The following CDC123 variants were observed in gnomAD, a reference collection of about 807,000 sequenced individuals.
CDC123 encodes the protein translation initiation factor eIF2 assembly protein.
Under a neutral mutation model 54.4 loss-of-function variants are expected in CDC123, and 37 were observed. That is an observed-to-expected ratio of 0.68 (90% confidence interval 0.52 to 0.89). The LOEUF is 0.89. CDC123 is among the 40% of genes least tolerant of loss of function. The probability of loss-of-function intolerance (pLI) is 0.00; values close to 1 mark genes in which losing one functional copy is unlikely to be tolerated. For missense variants in CDC123, 361 were observed against 412.1 expected (o/e 0.88, Z 1.07); for synonymous variants, 144 against 136.8 (o/e 1.05, Z -0.37).
intron 10 of CDC123, among the ~76,000 whole-genome samples, chr10:12,239,966 C>T (rs1180295490): frequency 6.7e-6 from 1 of 149,364 alleles, no homozygotes; most frequent in Non-Finnish European, 1.5e-5. Context: ...CGAGATCGCG[C>T]CACTGCACTC....
intron 9 of CDC123, among the ~76,000 whole-genome samples, chr10:12,238,044 A>G (rs191392375): frequency 6.6e-6 from 1 of 152,224 alleles, no homozygotes; most frequent in African/African-American, 2.4e-5. Flanking sequence ...AATAAGATGA[A>G]TCATGCTTCA....
At chr10:12,197,261 G>T (rs1835368722) in intron 1 of CDC123, among the ~76,000 whole-genome samples, 1 of 152,140 alleles carries the variant, frequency 6.6e-6, no homozygotes, top group Admixed American at 6.5e-5. Context: ...TTTATGAATA[G>T]AATTTAAAAT....
chr10:12,231,401 T>A (rs1361400148), intron 7 of CDC123, among the ~76,000 whole-genome samples: 1 of 152,058 alleles, frequency 6.6e-6, no homozygotes, highest in Non-Finnish European at 1.5e-5. Flanking sequence ...GGTGGGTGGA[T>A]CATCTGAGAT....
intron 7 of CDC123, among the ~76,000 whole-genome samples, chr10:12,233,282 C>T (rs1169947725): frequency 9.0e-6 from 1 of 110,600 alleles, no homozygotes; most frequent in South Asian, 2.4e-4. Flanking sequence ...TTAAAATACA[C>T]ACACACACAC....
At chr10:12,226,037 T>G (rs916537830) in intron 6 of CDC123, among the ~76,000 whole-genome samples, 13 of 152,220 alleles carry the variant, frequency 8.5e-5, no homozygotes, top group African/African-American at 2.9e-4. Context: ...ATTTAACCCT[T>G]CGTGGACACA....
intron 6 of CDC123, among the ~76,000 whole-genome samples, chr10:12,222,023 A>G (rs1835744129): frequency 6.6e-6 from 1 of 152,214 alleles, no homozygotes; most frequent in Non-Finnish European, 1.5e-5. Context: ...AGGGGGCCTA[A>G]GCAGATCATT....
intron 2 of CDC123, among the ~76,000 whole-genome samples, chr10:12,204,839 A>G (rs1228002287): frequency 2.0e-5 from 3 of 151,862 alleles, no homozygotes; most frequent in Non-Finnish European, 4.4e-5. Flanking sequence ...CTAAAACTAC[A>G]AAAATTAGCT....
Position 12,230,940 on chromosome 10 carries a change from T to A in CDC123, c.441-8T>A. On this transcript the variant is annotated splice_region_variant and splice_polypyrimidine_tract_variant and intron_variant, in intron 6 of 12. Transcript: ENST00000281141. The stretch of plus-strand genomic sequence containing the variant: ...AAGATTCAGTTGCCTTTTCTTCTTC[T>A]TCCAAAGGTTTATTCATTGTACTGA... The A allele has an allele frequency of 6.2e-7, 1 of 1,611,916 alleles. No homozygotes were observed. The highest frequency in any genetic ancestry group is 8.5e-7 in the Non-Finnish European group (1 of 1,179,272).
At chr10:12,250,154 A>G (rs1028047075) in intron 12 of CDC123, 157 bp from the exon 13 acceptor site, 10 of 516,150 alleles carry the variant, frequency 1.9e-5, no homozygotes, top group Middle Eastern at 4.2e-4. Flanking sequence ...TTTGCTCAGG[A>G]GTCAAAGTGA....
rs150891932 is a variant in CDC123, at chr10:12,198,692, G to GTTT, written c.75-5_75-3dup. The GTTT allele has an allele frequency of 7.8e-6, 10 of 1,281,618 alleles. No individual in the cohort carries two copies. Among genetic ancestry groups the GTTT allele is most frequent in the Admixed American group, 2.1e-5 (1 of 47,910 alleles). 79.4% of individuals were successfully genotyped at this position (1,281,618 alleles called of 1,614,324 possible). A position where few individuals can be genotyped will look rare whatever the true frequency, so the allele number is the denominator to read the frequency against. On this transcript the variant is annotated splice_polypyrimidine_tract_variant and intron_variant, in intron 1 of 12. Transcript: ENST00000281141. ...CTTTTAAAATGATGCCTTTTTTGGT[G>GTTT]TTTTTTTTTTAGTGTCATTCTTCCA...
At chr10:12,242,999 C>G (rs1348558654) in intron 10 of CDC123, among the ~76,000 whole-genome samples, 1 of 151,932 alleles carries the variant, frequency 6.6e-6, no homozygotes, top group African/African-American at 2.4e-5. Context: ...GAAGTTACAG[C>G]TGGGTTTTTT....
intron 6 of CDC123, among the ~76,000 whole-genome samples, chr10:12,226,339 G>A (rs1335565042): frequency 6.6e-6 from 1 of 151,406 alleles, no homozygotes; most frequent in Non-Finnish European, 1.5e-5. Flanking sequence ...GGACGGGGCG[G>A]CTGGCCGGGC....
intron 2 of CDC123, among the ~76,000 whole-genome samples, chr10:12,203,013 T>C (rs1241047824): frequency 6.6e-6 from 1 of 152,160 alleles, no homozygotes; most frequent in Non-Finnish European, 1.5e-5. Context: ...AGACTCCGTC[T>C]CAAAAAACCA....
At chr10:12,223,640 A>G (rs1835766068) in intron 6 of CDC123, among the ~76,000 whole-genome samples, 2 of 152,246 alleles carry the variant, frequency 1.3e-5, no homozygotes, top group East Asian at 1.9e-4. Flanking sequence ...AGGCATGTTT[A>G]GGGCATAATA....
rs573999100 is a variant in CDC123 at position 12,226,297 on chromosome 10, G to A, written c.441-4651G>A. On this transcript the variant is annotated intron_variant, in intron 6 of 12. Coordinates refer to ENST00000281141, the MANE Select transcript of CDC123 (RefSeq NM_006023.3). ...GGGTACACCTCCCAGACGGCGTGGC[G>A]GCTGGGCAGAGGCGCCCCCCACCTC... 3.5e-4 allele frequency among the ~76,000 whole-genome samples: 53 copies of A among 152,296 alleles called. 1 individual carries two copies. The highest frequency in any genetic ancestry group is 1.0e-3 in the African/African-American group (42 of 41,568).
At chr10:12,235,250 C>A (rs987383434) in intron 8 of CDC123, 127 bp downstream of exon 8, 2 of 738,332 alleles carry the variant, frequency 2.7e-6, no homozygotes, top group Non-Finnish European at 4.7e-6. Flanking sequence ...TCAGATGCCA[C>A]CTCTAACCAG....
At chr10:12,220,903 G>C (rs1835727219) in intron 6 of CDC123, among the ~76,000 whole-genome samples, 1 of 152,038 alleles carries the variant, frequency 6.6e-6, no homozygotes. Flanking sequence ...CGTGAACCCG[G>C]GAGGCGGAGC....
chr10:12,202,875 CG>C (rs1835460450), intron 2 of CDC123, among the ~76,000 whole-genome samples: 1 of 152,106 alleles, frequency 6.6e-6, no homozygotes, highest in Admixed American at 6.6e-5. Context: ...CTTAGCCAGA[CG>C]TGGTGGCGCA....
At chr10:12,250,280 A>G in intron 12 of CDC123, 31 bp from the exon 13 acceptor site, 2 of 1,469,984 alleles carry the variant, frequency 1.4e-6, no homozygotes, top group Non-Finnish European at 1.9e-6. Context: ...AGCATGTGCT[A>G]TTTTAACATC....
Sources: allele counts gnomAD v4.1 joint callset (sites outside exome capture counted in the v4.1 genomes callset), GRCh38; gene constraint gnomAD v4.1.1; transcripts MANE v1.5; gene names NCBI Gene and HGNC (gene_info 2026-07-23, HGNC 2026-07-21).